AGFG2: variants seen among roughly 807,000 people sequenced by gnomAD.
AGFG2 encodes ArfGAP with FG repeats 2.
In AGFG2, 31 loss-of-function variants were observed where a neutral mutation model predicts 48.0. That is an observed-to-expected ratio of 0.65 (90% CI 0.49 to 0.87). The LOEUF is 0.87. AGFG2 is among the 40% of genes least tolerant of loss of function. The probability of loss-of-function intolerance (pLI) is 0.00; values close to 1 mark genes in which losing one functional copy is unlikely to be tolerated. For missense variants in AGFG2, 599 were observed against 632.6 expected (o/e 0.95, Z 0.57); for synonymous variants, 229 against 260.8 (o/e 0.88, Z 1.18).
In AGFG2 at chr7:100,550,423, T is replaced by A; in HGVS notation, c.343T>A (p.Phe115Ile). 6.2e-7 allele frequency: 1 copy of A among 1,614,102 alleles called. No individual in the cohort carries two copies. Among genetic ancestry groups the A allele is most frequent in the South Asian group, 1.1e-5 (1 of 91,074 alleles). ...EVCRKIWLGL[F>I]DARTSLVPDS... Reference sequence around the variant, plus strand: ...TTGCCGGAAGATTTGGTTGGGTCTGTTTGATGCTCGGACATCTTTAGTACC... The same window carrying A: ...TTGCCGGAAGATTTGGTTGGGTCTGATTGATGCTCGGACATCTTTAGTACC... Residue 115 changes from phenylalanine (F) to isoleucine (I), a missense_variant, in exon 3 of 12, where the codon TTT becomes ATT. Phe to Ile is a conservative substitution (Grantham distance 21). Coordinates refer to ENST00000300176, the MANE Select transcript of AGFG2 (RefSeq NM_006076.5).
At chr7:100,564,094 C>A in intron 10 of AGFG2, 124 bp from the exon 11 acceptor site, 1 of 1,537,708 alleles carries the variant, frequency 6.5e-7, no homozygotes, top group Non-Finnish European at 8.9e-7. Context: ...AGGGAAGCAC[C>A]AGACCCGCCC....
Position 100,566,220 on chromosome 7 carries a change from T to C in AGFG2, c.*1229T>C, listed in dbSNP as rs1801005897. On this transcript the variant is annotated 3_prime_UTR_variant, in exon 12 of 12. Transcript: ENST00000300176. Reference sequence around the variant, plus strand: ...GCCACCACTGCCGGGGACTGGAGTTTGTTGGATGTGAGGGGAATGCCCACT... The same window carrying C: ...GCCACCACTGCCGGGGACTGGAGTTCGTTGGATGTGAGGGGAATGCCCACT... 6.6e-6 allele frequency: 1 copy of C among 152,170 alleles called. No homozygotes were observed. Among genetic ancestry groups the C allele is most frequent in the African/African-American group, 2.4e-5 (1 of 41,432 alleles). 9.4% of individuals were successfully genotyped at this position (152,170 alleles called of 1,614,324 possible).
At position 100,554,075 on chromosome 7, in the gene AGFG2, C is replaced by T; in HGVS notation, c.586-18C>T. On this transcript the variant is annotated intron_variant, in intron 4 of 11. Coordinates refer to ENST00000300176, the MANE Select transcript of AGFG2 (RefSeq NM_006076.5). ...TGTCTGGGATTCTAAGGGCTGTATG[C>T]ATTCCTTCTCCTCCAAGCCCGTCAG... is the stretch of plus-strand genomic sequence containing the variant. The T allele has an allele frequency of 6.2e-7, 1 of 1,607,848 alleles. No homozygotes were observed. Among genetic ancestry groups the T allele is most frequent in the Admixed American group, 1.7e-5 (1 of 59,344 alleles).
chr7:100,539,402 A>T lies in AGFG2; in HGVS notation c.56A>T (p.Lys19Met). ...CCGGGCGGCGGGGTCAGCGGGGGCA[A>T]GGCGGAGGCGGAGGCGGCCTCGGAG... Reference protein sequence around the residue: ...PGPGGGVSGGKAEAEAASEVW... With the variant: ...PGPGGGVSGGMAEAEAASEVW... Residue 19 changes from lysine to methionine, a missense_variant, in exon 1 of 12, where the codon AAG (lysine) becomes ATG (methionine). By Grantham distance (95) the Lys-to-Met change is moderately conservative. Transcript: ENST00000300176. 7.7e-7 allele frequency: 1 copy of T among 1,306,346 alleles called. No individual in the cohort carries two copies. Among genetic ancestry groups the T allele is most frequent in the South Asian group, 2.2e-5 (1 of 45,574 alleles). 80.9% of individuals were successfully genotyped at this position (1,306,346 alleles called of 1,614,324 possible).
Position 100,539,400 on chromosome 7 carries a change from C to A in AGFG2, c.54C>A (p.Gly18=). The A allele has an allele frequency of 7.7e-7, 1 of 1,306,680 alleles. No homozygotes were observed. The highest frequency in any genetic ancestry group is 9.8e-7 in the Non-Finnish European group (1 of 1,024,628). The allele number at this position is 1,306,680 out of a possible 1,614,324, so 80.9% of individuals were successfully genotyped here. ...GPGPGGGVSG[G]KAEAEAASEV... ...GCCCGGGCGGCGGGGTCAGCGGGGG[C>A]AAGGCGGAGGCGGAGGCGGCCTCGG... Residue 18 remains glycine, a synonymous_variant, in exon 1 of 12, where the codon GGC becomes GGA. Transcript: ENST00000300176.
chr7:100,539,284 A>G lies in AGFG2; in HGVS notation c.-63A>G. 3 of 1,263,196 alleles carry G rather than the reference A, an allele frequency of 2.4e-6. No individual in the cohort carries two copies. The highest frequency in any genetic ancestry group is 3.0e-6 in the Non-Finnish European group (3 of 999,680). The allele number at this position is 1,263,196 out of a possible 1,614,324, so 78.2% of individuals were successfully genotyped here. A position where few individuals can be genotyped will look rare whatever the true frequency, so the allele number is the denominator to read the frequency against. ...GCCGGGCGTGCGGAGGCGGCTGAGG[A>G]GGCGGGAAGGCGGCAGTGGTTGAAG... is the stretch of plus-strand genomic sequence containing the variant. On this transcript the variant is annotated 5_prime_UTR_variant, in exon 1 of 12. Transcript: ENST00000300176.
At chr7:100,561,698 C>T (rs775043082) in intron 6 of AGFG2, among the ~76,000 whole-genome samples, 37 of 152,254 alleles carry the variant, frequency 2.4e-4, no homozygotes, top group Non-Finnish European at 3.7e-4. Context: ...AACCCCGCAG[C>T]GGGGCTGGCC....
chr7:100,567,219 T>C lies in AGFG2; in HGVS notation c.*2228T>C, dbSNP rs1801029858. ...AGGCTGACACTAGGAGCTGCTCTCC[T>C]TGGCCGGGGACAGCTCCAGCAGCTC... On this transcript the variant is annotated 3_prime_UTR_variant, in exon 12 of 12. Transcript: ENST00000300176. 1 of 152,606 alleles carries C rather than the reference T, an allele frequency of 6.6e-6. No individual in the cohort carries two copies. The highest frequency in any genetic ancestry group is 6.5e-5 in the Admixed American group (1 of 15,288). 9.5% of individuals were successfully genotyped at this position (152,606 alleles called of 1,614,324 possible).
In AGFG2 at chr7:100,564,263, C is replaced by T. The variant is rs778012545; in HGVS notation, c.1346C>T (p.Pro449Leu). ...GGATCAGCCAAGTTGGGGCAGAGGC[C>T]ACTGAGCCAGCCAGCTGGGATCTCC... ...DLGSAKLGQR[P>L]LSQPAGISTN... Residue 449 changes from proline to leucine, a missense_variant, in exon 11 of 12, where the codon CCA becomes CTA. Physicochemically the swap from Pro to Leu is moderately conservative, Grantham distance 98 (BLOSUM62 -3). Coordinates refer to ENST00000300176, the MANE Select transcript of AGFG2 (RefSeq NM_006076.5). 2 of 1,613,742 alleles carry T rather than the reference C, an allele frequency of 1.2e-6. No homozygotes were observed. The highest frequency in any genetic ancestry group is 1.7e-6 in the Non-Finnish European group (2 of 1,179,924).
Position 100,552,942 on chromosome 7 carries a change from A to G in AGFG2, c.432-405A>G, listed in dbSNP as rs894947385. On this transcript the variant is annotated intron_variant, in intron 3 of 11. Coordinates refer to ENST00000300176, the MANE Select transcript of AGFG2 (RefSeq NM_006076.5). ...GGCAGGAGGATCACCTGAGGCCAAG[A>G]GGTTGAGACCACCCTGGGCAACATA... is the stretch of plus-strand genomic sequence containing the variant. 5.2e-4 allele frequency among the ~76,000 whole-genome samples: 79 copies of G among 152,196 alleles called. 1 individual carries two copies. The highest frequency in any genetic ancestry group is 1.1e-3 in the Non-Finnish European group (77 of 68,022).
rs1801021516 is a variant in AGFG2, at chr7:100,566,935, C to G, written c.*1944C>G. ...GGAGGAGCCTTTCTGTTATTTCCCC[C>G]CAGCTTCCATCACCCTTCCCTTAAT... On this transcript the variant is annotated 3_prime_UTR_variant, in exon 12 of 12. Coordinates refer to ENST00000300176, the MANE Select transcript of AGFG2 (RefSeq NM_006076.5). 6.6e-6 allele frequency: 1 copy of G among 152,354 alleles called. No homozygotes were observed. The highest frequency in any genetic ancestry group is 1.5e-5 in the Non-Finnish European group (1 of 68,076). The allele number at this position is 152,354 out of a possible 1,614,324, so 9.4% of individuals were successfully genotyped here.
chr7:100,563,817 C>A lies in AGFG2; in HGVS notation c.1172-17C>A, dbSNP rs200397029. The A allele has an allele frequency of 6.2e-7, 1 of 1,610,318 alleles. No individual in the cohort carries two copies. ...CTTCCAGAAGTTCACCTGAGCCTCC[C>A]GTCTTTCACTCCATAGGGCCCGGCT... On this transcript the variant is annotated splice_polypyrimidine_tract_variant and intron_variant, in intron 9 of 11. Transcript: ENST00000300176.
In AGFG2 at chr7:100,539,399, G is replaced by A; in HGVS notation, c.53G>A (p.Gly18Asp). ...GPGPGGGVSG[G>D]KAEAEAASEV... The stretch of plus-strand genomic sequence containing the variant: ...GGCCCGGGCGGCGGGGTCAGCGGGG[G>A]CAAGGCGGAGGCGGAGGCGGCCTCG... The change falls in exon 1 of 12, where the codon GGC (glycine) becomes GAC (aspartate). Residue 18 changes from glycine (G) to aspartate (D), a missense_variant. Transcript: ENST00000300176. 2 of 1,312,138 alleles carry A rather than the reference G, an allele frequency of 1.5e-6. No individual in the cohort carries two copies. Among genetic ancestry groups the A allele is most frequent in the Non-Finnish European group, 1.9e-6 (2 of 1,027,576 alleles). 81.3% of individuals were successfully genotyped at this position (1,312,138 alleles called of 1,614,324 possible). A position where few individuals can be genotyped will look rare whatever the true frequency, so the allele number is the denominator to read the frequency against.
Position 100,565,225 on chromosome 7 carries a change from G to C in AGFG2, c.*234G>C. On this transcript the variant is annotated 3_prime_UTR_variant, in exon 12 of 12. Coordinates refer to ENST00000300176, the MANE Select transcript of AGFG2 (RefSeq NM_006076.5). ...GAAGCCCAGGAGGAGTGCGGGCAGG[G>C]CCTGACCTGGAGGAGTGATGGTTGA... 1 of 594,056 alleles carries C rather than the reference G, an allele frequency of 1.7e-6. No individual in the cohort carries two copies. The highest frequency in any genetic ancestry group is 3.0e-6 in the Non-Finnish European group (1 of 333,752). The allele number at this position is 594,056 out of a possible 1,614,324, so 36.8% of individuals were successfully genotyped here.
chr7:100,565,069 T>A lies in AGFG2; in HGVS notation c.*78T>A. 1 of 1,494,780 alleles carries A rather than the reference T, an allele frequency of 6.7e-7. No homozygotes were observed. Among genetic ancestry groups the A allele is most frequent in the East Asian group, 2.3e-5 (1 of 44,312 alleles). The allele number at this position is 1,494,780 out of a possible 1,614,324, so 92.6% of individuals were successfully genotyped here. On this transcript the variant is annotated 3_prime_UTR_variant, in exon 12 of 12. Coordinates refer to ENST00000300176, the MANE Select transcript of AGFG2 (RefSeq NM_006076.5). ...TAGAGCTCTGGTGACCACTTGCCTG[T>A]GGGCATTTCTATGGGCCTTGGGGAT...
At chr7:100,556,427 G>A (rs1018569177) in intron 6 of AGFG2, 2 of 359,296 alleles carry the variant, frequency 5.6e-6, no homozygotes, top group Non-Finnish European at 1.0e-5. Flanking sequence ...TACACATTGA[G>A]TCTTCATAGC....
At chr7:100,539,624 G>A in intron 1 of AGFG2, 57 bp downstream of exon 1, 1 of 1,199,816 alleles carries the variant, frequency 8.3e-7, no homozygotes, top group Non-Finnish European at 1.0e-6. Flanking sequence ...GGGGCGGGGT[G>A]GGGAGGCCGG....
Position 100,566,789 on chromosome 7 carries a change from T to C in AGFG2, c.*1798T>C, listed in dbSNP as rs758231170. 1.1e-4 allele frequency: 17 copies of C among 152,270 alleles called. No individual in the cohort carries two copies. Among genetic ancestry groups the C allele is most frequent in the Non-Finnish European group, 1.0e-4 (7 of 68,114 alleles). The allele number at this position is 152,270 out of a possible 1,614,324, so 9.4% of individuals were successfully genotyped here. A position where few individuals can be genotyped will look rare whatever the true frequency, so the allele number is the denominator to read the frequency against. On this transcript the variant is annotated 3_prime_UTR_variant, in exon 12 of 12. Coordinates refer to ENST00000300176, the MANE Select transcript of AGFG2 (RefSeq NM_006076.5). ...CTTTGCATGTTCCATCTCTTCTCTT[T>C]CTCCCCTCTTCGCCACCCTAGATTA...
chr7:100,548,760 C>A, intron 1 of AGFG2, 62 bp from the exon 2 acceptor site: 1 of 1,316,206 alleles, frequency 7.6e-7, no homozygotes, highest in South Asian at 1.2e-5. Flanking sequence ...CTCCTCCTCC[C>A]ATGAACAGCC....
Sources: gnomAD v4.1 joint callset for allele counts (sites outside exome capture counted in the v4.1 genomes callset) on GRCh38, gnomAD v4.1.1 for gene constraint, MANE v1.5 for transcripts, NCBI Gene and HGNC (gene_info 2026-07-23, HGNC 2026-07-21) for gene names.